Variants in ABCB1 observed in about 807,000 individuals in gnomAD.
ABCB1 encodes ATP binding cassette subfamily B member 1, also known as ATP-dependent translocase ABCB1.
A neutral mutation model predicts 142.0 loss-of-function variants in ABCB1; 69 were observed. The observed-to-expected ratio is 0.49, with a 90% CI of 0.40 to 0.59. ABCB1 has a LOEUF of 0.59. ABCB1 is among the 20% of genes least tolerant of loss of function. ABCB1 has a pLI of 0.00. For missense variants in ABCB1, 1,326 were observed against 1,554.7 expected (o/e 0.85, Z 2.47); for synonymous variants, 532 against 539.2 (o/e 0.99, Z 0.18).
At chr7:87,657,051 A>C (rs540595917) in intron 1 of ABCB1, among the ~76,000 whole-genome samples, 1 of 152,104 alleles carries the variant, frequency 6.6e-6, no homozygotes, top group Non-Finnish European at 1.5e-5. Context: ...GATGAACATG[A>C]CATACTTTCC....
chr7:87,522,314 C>G, intron 21 of ABCB1: 1 of 760,340 alleles, frequency 1.3e-6, no homozygotes, highest in Non-Finnish European at 2.4e-6. Flanking sequence ...AAGCTCTGGC[C>G]CCTATGCTGG....
upstream of ABCB1, chr7:87,600,918 C>A (rs1184312532): frequency 6.6e-6 from 1 of 152,342 alleles, no homozygotes; most frequent in Admixed American, 6.5e-5. Context: ...GAGAGCGAAG[C>A]GGCTGTGCTC....
intron 18 of ABCB1, 142 bp downstream of exon 18, chr7:87,541,215 A>G (rs903560170): frequency 2.4e-5 from 15 of 638,108 alleles, no homozygotes; most frequent in Middle Eastern, 4.2e-4. Flanking sequence ...TTTTTTCACT[A>G]TGTCAGAAAA....
intron 1 of ABCB1, among the ~76,000 whole-genome samples, chr7:87,642,520 A>G (rs1260824183): frequency 6.6e-6 from 1 of 152,140 alleles, no homozygotes; most frequent in Non-Finnish European, 1.5e-5. Context: ...GAGTTCTTTC[A>G]TATGAGATTA....
intron 1 of ABCB1, among the ~76,000 whole-genome samples, chr7:87,631,318 T>C (rs1821194048): frequency 6.6e-6 from 1 of 152,222 alleles, no homozygotes; most frequent in Non-Finnish European, 1.5e-5. Flanking sequence ...ATGCATTTAT[T>C]GCTAGTTTAC....
rs113650290 is a variant in ABCB1, at chr7:87,620,163, C to A, written c.-330-19085G>T. Among the ~76,000 whole-genome samples the A allele has an allele frequency of 4.0e-5, 6 of 148,940 alleles. No individual in the cohort carries two copies. In the South Asian group the frequency reaches 8.5e-4, roughly 21 times the overall value. ...TCATTTTTTTCTTTTCTTTTTTTTT[C>A]TTTCTTTCTTTTTTTTAGACAGAGT... On this transcript the variant is annotated intron_variant, in intron 1 of 28. Coordinates refer to the ABCB1 transcript ENST00000265724.
At chr7:87,592,152 G>A (rs1218729456) in intron 3 of ABCB1, among the ~76,000 whole-genome samples, 4 of 152,164 alleles carry the variant, frequency 2.6e-5, no homozygotes, top group East Asian at 1.9e-4. Context: ...TGGCAGGGGT[G>A]GCTCCATGAA....
chr7:87,642,348 G>T (rs148520265), intron 1 of ABCB1, among the ~76,000 whole-genome samples: 192 of 152,004 alleles, frequency 1.3e-3, no homozygotes, highest in Non-Finnish European at 1.8e-3. Context: ...TCTTCACGTT[G>T]TTCTATTGCT....
At chr7:87,707,244 T>G (rs1323663203) in intron 1 of ABCB1, among the ~76,000 whole-genome samples, 1 of 151,514 alleles carries the variant, frequency 6.6e-6, no homozygotes, top group Non-Finnish European at 1.5e-5. Context: ...TCAAGAAAAA[T>G]GAAAAAGACA....
intron 1 of ABCB1, among the ~76,000 whole-genome samples, chr7:87,612,346 T>G (rs930573866): frequency 5.9e-5 from 9 of 152,182 alleles, no homozygotes; most frequent in African/African-American, 2.2e-4. Context: ...CAGGCCAATG[T>G]CCAGAAGAGT....
chr7:87,539,297 A>G lies in ABCB1; in HGVS notation c.2368T>C (p.Tyr790His). 3 of 1,614,182 alleles carry G rather than the reference A, an allele frequency of 1.9e-6. No individual in the cohort carries two copies. The highest frequency in any genetic ancestry group is 2.2e-5 in the South Asian group (2 of 91,090). The change falls in exon 19 of 28, where the codon TAC (tyrosine) becomes CAC (histidine). Residue 790 changes from tyrosine to histidine, a missense_variant. Tyr to His is a moderately conservative substitution (Grantham distance 83). Coordinates refer to ENST00000622132, the MANE Select transcript of ABCB1 (RefSeq NM_001348946.2). ...CTGAGCATGGATCGGAAAACCATGT[A>G]TCGGAGCCGCTTGGTGAGGATCTCT... is the stretch of plus-strand genomic sequence containing the variant. ...AGEILTKRLR[Y>H]MVFRSMLRQD...
At chr7:87,532,187 A>G (rs1186246438) in intron 20 of ABCB1, among the ~76,000 whole-genome samples, 3 of 152,290 alleles carry the variant, frequency 2.0e-5, no homozygotes, top group African/African-American at 7.2e-5. Flanking sequence ...AGTTTAGTCC[A>G]TCACTCTATA....
intron 27 of ABCB1, among the ~76,000 whole-genome samples, chr7:87,505,178 G>A (rs1349440976): frequency 1.3e-5 from 2 of 151,998 alleles, no homozygotes; most frequent in Non-Finnish European, 2.9e-5. Flanking sequence ...TACCCAGGCT[G>A]GTCTCAAAAA....
At chr7:87,578,944 C>T (rs1327108903) in intron 4 of ABCB1, among the ~76,000 whole-genome samples, 1 of 152,076 alleles carries the variant, frequency 6.6e-6, no homozygotes, top group Non-Finnish European at 1.5e-5. Flanking sequence ...CCACCTGCCT[C>T]GGCCTCCCAA....
At chr7:87,651,223 G>T (rs1823537326) in intron 1 of ABCB1, among the ~76,000 whole-genome samples, 1 of 152,078 alleles carries the variant, frequency 6.6e-6, no homozygotes, top group Non-Finnish European at 1.5e-5. Context: ...CATCCCAAAG[G>T]TTACTAGATG....
At chr7:87,534,384 CCTACAGAGTAGGAGT>C (rs1274694329) in intron 20 of ABCB1, among the ~76,000 whole-genome samples, 1 of 152,112 alleles carries the variant, frequency 6.6e-6, no homozygotes, top group Non-Finnish European at 1.5e-5. Context: ...GTATATTCCT[CCTACAGAGTAGGAGT>C]CTATAGAGTT....
At chr7:87,642,666 A>G (rs1199424940) in intron 1 of ABCB1, among the ~76,000 whole-genome samples, 1 of 152,020 alleles carries the variant, frequency 6.6e-6, no homozygotes, top group Non-Finnish European at 1.5e-5. Flanking sequence ...GTTCTAGGGT[A>G]CATGTGCATG....
intron 1 of ABCB1, among the ~76,000 whole-genome samples, chr7:87,661,972 G>A (rs1443563820): frequency 1.3e-5 from 2 of 151,892 alleles, no homozygotes; most frequent in Non-Finnish European, 2.9e-5. Flanking sequence ...ATATATCATT[G>A]TACTTTTGAT....
chr7:87,659,974 T>C (rs1487590705), intron 1 of ABCB1, among the ~76,000 whole-genome samples: 2 of 152,186 alleles, frequency 1.3e-5, no homozygotes, highest in African/African-American at 2.4e-5. Flanking sequence ...GAGCCTCATA[T>C]ATTGTTTTAA....
Sources: gnomAD v4.1 joint callset for allele counts (sites outside exome capture counted in the v4.1 genomes callset) on GRCh38, gnomAD v4.1.1 for gene constraint, MANE v1.5 for transcripts, NCBI Gene and HGNC (gene_info 2026-07-23, HGNC 2026-07-21) for gene names.